Variants in TMC5 observed in about 807,000 individuals in gnomAD.
The protein encoded by TMC5 is transmembrane channel-like protein 5.
A neutral mutation model predicts 110.5 loss-of-function variants in TMC5; 86 were observed. The observed-to-expected ratio is 0.78, with a 90% CI of 0.65 to 0.93. TMC5 has a LOEUF of 0.93. Ranked by LOEUF, TMC5 falls within the 40% of genes least tolerant of loss-of-function variation. The pLI, the probability that TMC5 is intolerant of heterozygous loss-of-function variation, is 0.00. For missense variants in TMC5, 1,144 were observed against 1,222.8 expected, an observed-to-expected ratio of 0.94 and a Z score of 0.96; for synonymous variants, 455 against 439.5, an observed-to-expected ratio of 1.04 and a Z score of -0.44.
Position 19,440,092 on chromosome 16 carries a change from C to G in TMC5, c.54C>G (p.Asp18Glu). ...NWSEEDPDYP[D>E]YSGSQNRTQG... Reference sequence around the variant, plus strand: ...CTGAGGAAGACCCAGATTACCCTGACTATTCAGGGTCTCAGAACCGTACGC... The same window carrying G: ...CTGAGGAAGACCCAGATTACCCTGAGTATTCAGGGTCTCAGAACCGTACGC... The change falls in exon 3 of 22, where the codon GAC becomes GAG. Residue 18 changes from aspartate to glutamate, a missense_variant. By Grantham distance (45) the Asp-to-Glu change is conservative (BLOSUM62 2). Transcript: ENST00000542583. 1.2e-6 allele frequency: 2 copies of G among 1,613,928 alleles called. No homozygotes were observed. Among genetic ancestry groups the G allele is most frequent in the Non-Finnish European group, 1.7e-6 (2 of 1,179,856 alleles).
At chr16:19,427,637 T>G (rs979143661) in intron 1 of TMC5, among the ~76,000 whole-genome samples, 27 of 152,082 alleles carry the variant, frequency 1.8e-4, no homozygotes, top group African/African-American at 5.1e-4. Flanking sequence ...TTGTCAACTT[T>G]GGCACTCTTG....
At chr16:19,456,891 A>G (rs1431254939) in intron 5 of TMC5, 1 of 1,614,248 alleles carries the variant, frequency 6.2e-7, no homozygotes, top group East Asian at 2.2e-5. Context: ...AGCAAAAGGA[A>G]TGACCAAAAG....
intron 9 of TMC5, among the ~76,000 whole-genome samples, chr16:19,467,021 C>A (rs952113040): frequency 5.9e-5 from 9 of 152,000 alleles, no homozygotes; most frequent in Admixed American, 1.3e-4. Flanking sequence ...TGGCGCACGC[C>A]TGTGTTCCCA....
At chr16:19,413,722 T>G (rs1966863948), upstream of TMC5, among the ~76,000 whole-genome samples, 1 of 152,030 alleles carries the variant, frequency 6.6e-6, no homozygotes, top group Admixed American at 6.6e-5. Flanking sequence ...CTGCTTACCA[T>G]GTGTCTGATA....
Position 19,469,740 on chromosome 16 carries a change from C to G in TMC5, c.1697C>G (p.Thr566Ser). 6.2e-7 allele frequency: 1 copy of G among 1,614,146 alleles called. No homozygotes were observed. Among genetic ancestry groups the G allele is most frequent in the Non-Finnish European group, 8.5e-7 (1 of 1,179,986 alleles). The part of the protein sequence containing the change: ...INPHIYSGGI[T>S]KLIFCWDFTV... ...CCCCACATTTACTCCGGAGGGATCA[C>G]CAAGCTGATCTTTTGCTGGGACTTC... The change falls in exon 10 of 22, where the codon ACC becomes AGC. Residue 566 changes from threonine (T) to serine (S), a missense_variant. Transcript: ENST00000542583.
At chr16:19,442,236 C>A (rs539018956) in intron 3 of TMC5, among the ~76,000 whole-genome samples, 2 of 152,104 alleles carry the variant, frequency 1.3e-5, no homozygotes, top group Admixed American at 6.5e-5. Context: ...TTCTGGACAC[C>A]GACAGCATTA....
rs1206820849 is a variant in TMC5, at chr16:19,466,191, T to C, written c.1595T>C (p.Ile532Thr). 2.5e-6 allele frequency: 4 copies of C among 1,613,982 alleles called. No homozygotes were observed. The East Asian group carries it at 8.9e-5, about 36-fold the overall frequency. The change falls in exon 9 of 22, where the codon ATC (isoleucine) becomes ACC (threonine). Residue 532 changes from isoleucine (I) to threonine (T), a missense_variant. Coordinates refer to ENST00000542583, the MANE Select transcript of TMC5 (RefSeq NM_001261841.2). ...YNMQLAYIFT[I>T]GACLTTCFFS... ...ATGCAGCTGGCCTACATCTTCACAA[T>C]CGGAGCATGCTTGACCACCTGCTTC...
At chr16:19,455,437 TAAAAA>T (rs1967843678) in intron 5 of TMC5, among the ~76,000 whole-genome samples, 1 of 151,922 alleles carries the variant, frequency 6.6e-6, no homozygotes, top group African/African-American at 2.4e-5. Context: ...AATAAATAAA[TAAAAA>T]TTTTTAAAAA....
At chr16:19,451,431 C>T (rs1196075280) in intron 5 of TMC5, among the ~76,000 whole-genome samples, 1 of 152,080 alleles carries the variant, frequency 6.6e-6, no homozygotes, top group African/African-American at 2.4e-5. Flanking sequence ...ATTTGGTCCC[C>T]ACTGGGGCAC....
At chr16:19,435,599 ACACACATG>A (rs1242620264) in intron 2 of TMC5, among the ~76,000 whole-genome samples, 1 of 152,126 alleles carries the variant, frequency 6.6e-6, no homozygotes, top group Non-Finnish European at 1.5e-5. Flanking sequence ...ACACACACAC[ACACACATG>A]CCTCCCTTTA....
chr16:19,467,038 C>T (rs1258937453), intron 9 of TMC5, among the ~76,000 whole-genome samples: 7 of 151,880 alleles, frequency 4.6e-5, no homozygotes, highest in African/African-American at 9.7e-5. Flanking sequence ...CCCAGCTATT[C>T]GGGAGGCTGA....
At chr16:19,479,822 A>G (rs1968572111) in intron 14 of TMC5, among the ~76,000 whole-genome samples, 1 of 152,046 alleles carries the variant, frequency 6.6e-6, no homozygotes, top group African/African-American at 2.4e-5. Context: ...AGCCGAGGGC[A>G]GTGGCTCACG....
At chr16:19,486,853 T>G in intron 15 of TMC5, 92 bp from the exon 16 acceptor site, 1 of 1,134,228 alleles carries the variant, frequency 8.8e-7, no homozygotes, top group Non-Finnish European at 1.3e-6. Context: ...CAGGCCACAA[T>G]ATCTTCTTTC....
At chr16:19,439,773 C>G (rs1372083442) in intron 2 of TMC5, among the ~76,000 whole-genome samples, 187 bp from the exon 3 acceptor site, 1 of 152,186 alleles carries the variant, frequency 6.6e-6, no homozygotes, top group African/African-American at 2.4e-5. Flanking sequence ...CACTGCTGCT[C>G]TCATCCCATT....
intron 19 of TMC5, among the ~76,000 whole-genome samples, chr16:19,494,012 C>A (rs1968985352): frequency 6.6e-6 from 1 of 152,070 alleles, no homozygotes; most frequent in Non-Finnish European, 1.5e-5. Flanking sequence ...CTGGAGGCTA[C>A]TTTCTCAAGC....
intron 16 of TMC5, 35 bp downstream of exon 16, chr16:19,487,055 G>C: frequency 1.2e-6 from 2 of 1,612,156 alleles, no homozygotes; most frequent in Non-Finnish European, 1.7e-6. Flanking sequence ...AATCAGCTTT[G>C]TTCAGTCACC....
chr16:19,460,311 C>T lies in TMC5; in HGVS notation c.1125C>T (p.Thr375=). ...AAGCCATCAGGAACCAGCCAAGGAC[C>T]ATGGAAGAGAAAAGGAACCTTAGGT... ...RIKAIRNQPR[T]MEEKRNLRKI... Residue 375 remains threonine (T), a synonymous_variant, in exon 6 of 22, where the codon ACC becomes ACT. Coordinates refer to ENST00000542583, the MANE Select transcript of TMC5 (RefSeq NM_001261841.2). 1 of 1,613,582 alleles carries T rather than the reference C, an allele frequency of 6.2e-7. No individual in the cohort carries two copies. The highest frequency in any genetic ancestry group is 1.7e-5 in the Admixed American group (1 of 59,962).
In TMC5 at chr16:19,421,454, G is replaced by A. The variant is rs11863060; in HGVS notation, c.-308+3362G>A. The stretch of plus-strand genomic sequence containing the variant: ...CCCTGCACACACGCTCTTGCCTGCC[G>A]CCATGTAAGATGTGCCTTTGCTCCT... On this transcript the variant is annotated intron_variant, in intron 1 of 21. Coordinates refer to ENST00000542583, the MANE Select transcript of TMC5 (RefSeq NM_001261841.2). Among the ~76,000 whole-genome samples the A allele has an allele frequency of 4.0e-3, 603 of 152,172 alleles. 3 individuals carry two copies. The highest frequency in any genetic ancestry group is 0.014 in the African/African-American group (562 of 41,506).
chr16:19,490,426 C>T lies in TMC5; in HGVS notation c.2605C>T (p.Arg869Ter), dbSNP rs560230921. ...LKPSADCGPF[R>*]GLPLFIHSIY... ...GCCTTCAGCTGACTGTGGCCCTTTT[C>T]GAGGTCTGCCTCTCTTCATTCACTC... The change falls in exon 18 of 22, where the codon CGA becomes TGA. Residue 869 changes from arginine to a stop codon, truncating the protein, a stop_gained. Coordinates refer to ENST00000542583, the MANE Select transcript of TMC5 (RefSeq NM_001261841.2). LOFTEE classifies it high-confidence loss of function. 1.9e-6 allele frequency: 3 copies of T among 1,614,144 alleles called. No homozygotes were observed. The highest frequency in any genetic ancestry group is 1.1e-5 in the South Asian group (1 of 91,084).
Sources: gnomAD v4.1 joint callset for allele counts (sites outside exome capture counted in the v4.1 genomes callset) on GRCh38, gnomAD v4.1.1 for gene constraint, MANE v1.5 for transcripts, NCBI Gene and HGNC (gene_info 2026-07-23, HGNC 2026-07-21) for gene names.